The following BANP variants were observed in gnomAD, a reference collection of about 807,000 sequenced individuals.
BANP encodes BTG3 associated nuclear protein.
In BANP, 11 loss-of-function variants were observed where a neutral mutation model predicts 68.1. That is an observed-to-expected ratio of 0.16 (90% confidence interval 0.10 to 0.27). BANP has a LOEUF of 0.27. BANP is among the 10% of genes least tolerant of loss of function. BANP has a pLI of 1.00. For missense variants in BANP, 504 were observed against 722.7 expected (o/e 0.70, Z 3.47); for synonymous variants, 329 against 303.2 (o/e 1.09, Z -0.88).
At chr16:88,035,655 G>A (rs920890916) in intron 10 of BANP, among the ~76,000 whole-genome samples, 4 of 151,930 alleles carry the variant, frequency 2.6e-5, no homozygotes, top group African/African-American at 9.6e-5. Flanking sequence ...TTCTACTGCT[G>A]GCTGGAAGTG....
At position 88,032,959 on chromosome 16, in the gene BANP, A is replaced by G. The variant is rs1440104426; in HGVS notation, c.1064-150A>G. ...TCACTGGTAGTGATCTCTGCAGAAG[A>G]GTGGAGATGCAGTGAGTCGAGGAAA... On this transcript the variant is annotated intron_variant, in intron 8 of 13. Coordinates refer to ENST00000682872, the MANE Select transcript of BANP (RefSeq NM_001386991.1). 6 of 875,772 alleles carry G rather than the reference A, an allele frequency of 6.9e-6. No homozygotes were observed. In the East Asian group the frequency reaches 1.4e-4, roughly 20 times the overall value. The allele number at this position is 875,772 out of a possible 1,614,324, so 54.3% of individuals were successfully genotyped here.
chr16:88,027,677 G>A (rs761530806), intron 8 of BANP, 27 bp downstream of exon 8: 9 of 1,610,862 alleles, frequency 5.6e-6, no homozygotes, highest in East Asian at 4.5e-5. Context: ...AGGAGAGGCC[G>A]CCCTCCCCCG....
In BANP at chr16:88,076,851, A is replaced by G; in HGVS notation, c.*190A>G. The G allele has an allele frequency of 1.7e-6, 1 of 584,918 alleles. No homozygotes were observed. The highest frequency in any genetic ancestry group is 3.4e-5 in the Admixed American group (1 of 29,616). The allele number at this position is 584,918 out of a possible 1,614,324, so 36.2% of individuals were successfully genotyped here. ...AGCAGCCGCCGCCGCCCCCAGCCGG[A>G]GACCCCTTTCGTTTGAGTCCTGCTG... On this transcript the variant is annotated 3_prime_UTR_variant, in exon 14 of 14. Transcript: ENST00000682872.
intron 12 of BANP, among the ~76,000 whole-genome samples, chr16:88,067,451 C>T (rs1010780900): frequency 3.9e-5 from 6 of 152,156 alleles, no homozygotes; most frequent in African/African-American, 7.2e-5. Flanking sequence ...TGCGTGCCCC[C>T]GCCCTGAGAC....
chr16:87,994,672 G>C (rs1249968099), intron 4 of BANP, among the ~76,000 whole-genome samples: 1 of 152,100 alleles, frequency 6.6e-6, no homozygotes, highest in Non-Finnish European at 1.5e-5. Flanking sequence ...CAGTGGCTTA[G>C]GCCTGGAATC....
In BANP at chr16:88,074,276, T is replaced by G. The variant is rs2091117541; in HGVS notation, c.1521+2064T>G. ...ATGGGTCAGAGCAGGGTCACGCGCT[T>G]GAGCTCGTTCTAGGAAAACCTGTGG... On this transcript the variant is annotated intron_variant, in intron 13 of 13. Coordinates refer to ENST00000682872, the MANE Select transcript of BANP (RefSeq NM_001386991.1). Among the ~76,000 whole-genome samples, 5 of 152,178 alleles carry G rather than the reference T, an allele frequency of 3.3e-5. No homozygotes were observed. In the South Asian group the frequency reaches 8.3e-4, roughly 25 times the overall value.
At chr16:88,005,145 C>A (rs1263881168) in intron 5 of BANP, among the ~76,000 whole-genome samples, 2 of 152,170 alleles carry the variant, frequency 1.3e-5, no homozygotes, top group Non-Finnish European at 2.9e-5. Flanking sequence ...CAGCTGTGGT[C>A]GCAAGGGTCT....
intron 1 of BANP, among the ~76,000 whole-genome samples, chr16:87,955,051 C>T (rs2057772017): frequency 2.0e-5 from 3 of 152,234 alleles, no homozygotes; most frequent in African/African-American, 4.8e-5. Context: ...CCGGCAGACC[C>T]GTGTGGTAGC....
chr16:88,051,174 C>T (rs554373003), intron 11 of BANP, among the ~76,000 whole-genome samples: 16 of 152,384 alleles, frequency 1.0e-4, no homozygotes, highest in African/African-American at 3.1e-4. Context: ...ATCAAGGCTC[C>T]AGGATGGGGG....
chr16:87,970,473 A>G (rs1052824708), intron 1 of BANP, among the ~76,000 whole-genome samples: 1 of 152,226 alleles, frequency 6.6e-6, no homozygotes, highest in African/African-American at 2.4e-5. Flanking sequence ...GCTTTTATAC[A>G]GAGAAACATT....
At chr16:87,996,831 A>T (rs778840430) in intron 4 of BANP, among the ~76,000 whole-genome samples, 1 of 152,260 alleles carries the variant, frequency 6.6e-6, no homozygotes, top group African/African-American at 2.4e-5. Flanking sequence ...GTAATAAAAC[A>T]TGGCAAACAC....
At chr16:88,034,885 A>T (rs182873610) in intron 9 of BANP, among the ~76,000 whole-genome samples, 3 of 152,172 alleles carry the variant, frequency 2.0e-5, no homozygotes, top group Admixed American at 1.3e-4. Context: ...AAAATATTAG[A>T]TGAGAAACTC....
chr16:88,027,393 T>C, intron 7 of BANP, 90 bp from the exon 8 acceptor site: 1 of 1,480,682 alleles, frequency 6.8e-7, no homozygotes, highest in Non-Finnish European at 9.3e-7. Context: ...GGGTGAGGCC[T>C]CTTCAGCGGG....
intron 1 of BANP, among the ~76,000 whole-genome samples, chr16:87,971,047 T>C (rs1267500526): frequency 1.3e-5 from 2 of 151,986 alleles, no homozygotes; most frequent in African/African-American, 4.8e-5. Context: ...TACCACTTCT[T>C]ACCGCCACTG....
intron 12 of BANP, among the ~76,000 whole-genome samples, chr16:88,068,298 G>A (rs548253773): frequency 5.3e-5 from 8 of 152,362 alleles, no homozygotes; most frequent in Middle Eastern, 3.4e-3. Flanking sequence ...GTGAACCTTG[G>A]GCGTGCGCCA....
intron 1 of BANP, among the ~76,000 whole-genome samples, chr16:87,972,109 A>G (rs554212376): frequency 2.6e-5 from 4 of 152,086 alleles, no homozygotes; most frequent in Non-Finnish European, 5.9e-5. Flanking sequence ...CATCTTTAGC[A>G]TCTCCTATTA....
In BANP at chr16:87,957,167, G is replaced by A. The variant is rs1406198660; in HGVS notation, c.-69+5652G>A. Reference sequence around the variant, plus strand: ...GCGTTCACGGTGGAGCAGACTCCACGACTCGCTGCTCCCATGGGAGGTGTC... The same window carrying A: ...GCGTTCACGGTGGAGCAGACTCCACAACTCGCTGCTCCCATGGGAGGTGTC... On this transcript the variant is annotated intron_variant, in intron 1 of 13. Coordinates refer to ENST00000682872, the MANE Select transcript of BANP (RefSeq NM_001386991.1). This position sits in a 1 kb window ranked among gnomAD's most constrained non-coding sequence, Gnocchi z 4.3. 6.6e-6 allele frequency: 1 copy of A among 152,070 alleles called. No individual in the cohort carries two copies. The highest frequency in any genetic ancestry group is 2.4e-5 in the African/African-American group (1 of 41,330). The allele number at this position is 152,070 out of a possible 1,614,324, so 9.4% of individuals were successfully genotyped here.
intron 6 of BANP, among the ~76,000 whole-genome samples, chr16:88,015,734 C>T (rs1488364917): frequency 6.6e-6 from 1 of 152,262 alleles, no homozygotes; most frequent in Admixed American, 6.5e-5. Flanking sequence ...AGCTACCAGG[C>T]AGCTGCCGCA....
intron 4 of BANP, among the ~76,000 whole-genome samples, chr16:87,991,463 T>C (rs1196870110): frequency 6.6e-6 from 1 of 152,258 alleles, no homozygotes; most frequent in Non-Finnish European, 1.5e-5. Context: ...TGGCATCGTA[T>C]TGAATCTGTA....
Sources: gnomAD v4.1 joint callset for allele counts (sites outside exome capture counted in the v4.1 genomes callset) on GRCh38, gnomAD v4.1.1 for gene constraint, Gnocchi (gnomAD v3.1) non-coding constraint, MANE v1.5 for transcripts, NCBI Gene and HGNC (gene_info 2026-07-23, HGNC 2026-07-21) for gene names.